Variants in EIF2AK2 observed in about 807,000 individuals in gnomAD.
EIF2AK2 encodes interferon-induced, double-stranded RNA-activated protein kinase.
A neutral mutation model predicts 70.5 loss-of-function variants in EIF2AK2; 40 were observed. The ratio of observed to expected loss-of-function variants is 0.57; its 90% CI spans 0.44 to 0.74. The LOEUF is 0.74. Among genes scored for constraint, EIF2AK2 ranks in the 30% least tolerant of loss-of-function variants. The pLI is 0.00. For missense variants in EIF2AK2, 555 were observed against 644.3 expected, an observed-to-expected ratio of 0.86 and a Z score of 1.50; for synonymous variants, 198 against 220.9, an observed-to-expected ratio of 0.90 and a Z score of 0.92.
At chr2:37,121,509 A>C (rs894106352) in intron 12 of EIF2AK2, among the ~76,000 whole-genome samples, 1 of 151,986 alleles carries the variant, frequency 6.6e-6, no homozygotes, top group Non-Finnish European at 1.5e-5. Flanking sequence ...CGTCACGGGG[A>C]TAATAGTCTA....
At chr2:37,119,847 C>G in intron 13 of EIF2AK2, 112 bp downstream of exon 13, 2 of 564,424 alleles carry the variant, frequency 3.5e-6, no homozygotes, top group South Asian at 8.9e-5. Flanking sequence ...CTGCCTCAGC[C>G]TCCCAAAGTG....
chr2:37,153,337 C>CTCTTTTTTTTTTTT lies in EIF2AK2; in HGVS notation c.-184+3570_-184+3571insAAAAAAAAAAAAGA, dbSNP rs777537067. Among the ~76,000 whole-genome samples the CTCTTTTTTTTTTTT allele has an allele frequency of 9.1e-5, 10 of 109,888 alleles. 1 individual carries two copies. The highest frequency in any genetic ancestry group is 1.6e-4 in the Non-Finnish European group (9 of 54,634). 72.1% of individuals were successfully genotyped at this position (109,888 alleles called of 152,430 possible). On this transcript the variant is annotated intron_variant, in intron 1 of 16. Transcript: ENST00000233057. ...CCCAGTCCTTTCAGTCTCTGCTAAT[C>CTCTTTTTTTTTTTT]TTTTTTTTTTTTTTTTTTTTTGAGA... is the stretch of plus-strand genomic sequence containing the variant.
rs149851991 is a variant in EIF2AK2 at position 37,143,660 on chromosome 2, G to A, written c.241-1959C>T. Among the ~76,000 whole-genome samples, 547 of 152,244 alleles carry A rather than the reference G, an allele frequency of 3.6e-3. 7 individuals are homozygous for A. Among genetic ancestry groups the A allele is most frequent in the African/African-American group, 0.012 (515 of 41,536 alleles). Reference sequence around the variant, plus strand: ...GCACTTTGGGAGGCTGAGGTGGGCAGATTGCTTGAGTCCAGGAGTTCAAGA... The same window carrying A: ...GCACTTTGGGAGGCTGAGGTGGGCAAATTGCTTGAGTCCAGGAGTTCAAGA... On this transcript the variant is annotated intron_variant, in intron 4 of 16. Transcript: ENST00000233057.
intron 9 of EIF2AK2, among the ~76,000 whole-genome samples, chr2:37,135,891 CAA>C (rs1675110217): frequency 6.6e-6 from 1 of 152,248 alleles, no homozygotes; most frequent in Non-Finnish European, 1.5e-5. Context: ...CTTGGCCTCC[CAA>C]AGTGCTGGGG....
At chr2:37,152,345 G>C (rs1675772828) in intron 1 of EIF2AK2, among the ~76,000 whole-genome samples, 1 of 152,064 alleles carries the variant, frequency 6.6e-6, no homozygotes, top group South Asian at 2.1e-4. Context: ...GCAGTAACAT[G>C]ATCTCAGCTC....
At position 37,105,658 on chromosome 2, in the gene EIF2AK2, C is replaced by G. The variant is rs2148660358; in HGVS notation, c.*1615G>C. On this transcript the variant is annotated 3_prime_UTR_variant, in exon 17 of 17. Coordinates refer to ENST00000233057, the MANE Select transcript of EIF2AK2 (RefSeq NM_001135651.3). ...TAAGAAACAAACTAAAACAATTGCCCTAAGTTGAAATTCACCCTCAGGGTC... is the reference window on the plus strand; with the variant it reads ...TAAGAAACAAACTAAAACAATTGCCGTAAGTTGAAATTCACCCTCAGGGTC... The G allele has an allele frequency of 6.6e-6, 1 of 152,300 alleles. No homozygotes were observed. The highest frequency in any genetic ancestry group is 1.9e-4 in the East Asian group (1 of 5,180). 9.4% of individuals were successfully genotyped at this position (152,300 alleles called of 1,614,324 possible). A position where few individuals can be genotyped will look rare whatever the true frequency, so the allele number is the denominator to read the frequency against.
chr2:37,121,301 A>G (rs1374879267), intron 12 of EIF2AK2, among the ~76,000 whole-genome samples: 1 of 151,720 alleles, frequency 6.6e-6, no homozygotes, highest in African/African-American at 2.4e-5. Context: ...AGAAAAAAAA[A>G]ATGAGCCACC....
At chr2:37,122,729 C>A (rs1031412717) in intron 11 of EIF2AK2, 65 bp from the exon 12 acceptor site, 2 of 1,588,520 alleles carry the variant, frequency 1.3e-6, no homozygotes, top group African/African-American at 2.7e-5. Context: ...CCACAAAACA[C>A]CTCATGTAAT....
chr2:37,115,130 C>T (rs1674292251), intron 13 of EIF2AK2: 1 of 171,174 alleles, frequency 5.8e-6, no homozygotes, highest in African/African-American at 2.4e-5. Flanking sequence ...TCACTGCAAG[C>T]TCCGCCTCCT....
chr2:37,149,357 T>A (rs1479766923), intron 1 of EIF2AK2: 18 of 657,720 alleles, frequency 2.7e-5, no homozygotes, highest in Non-Finnish European at 4.2e-5. Context: ...TAAAATTCGG[T>A]TACTCTAAGA....
chr2:37,150,319 G>A lies in EIF2AK2; in HGVS notation c.-183-1296C>T, dbSNP rs1222837510. Among the ~76,000 whole-genome samples the A allele has an allele frequency of 2.0e-5, 3 of 151,584 alleles. No individual in the cohort carries two copies. In the East Asian group the frequency reaches 5.8e-4, roughly 29 times the overall value. On this transcript the variant is annotated intron_variant, in intron 1 of 16. Transcript: ENST00000233057. ...ACTCAGTATCATAAGTCACTTGGCA[G>A]AAAAAAAAGGCAATCCCTATTCAAA...
At chr2:37,120,963 CAAAA>C (rs70949732) in intron 12 of EIF2AK2, among the ~76,000 whole-genome samples, 4 of 118,752 alleles carry the variant, frequency 3.4e-5, no homozygotes, top group African/African-American at 1.3e-4. Flanking sequence ...GACTCTGTCT[CAAAA>C]AAAAAAAAAG....
At chr2:37,123,702 A>G (rs747786455) in intron 11 of EIF2AK2, among the ~76,000 whole-genome samples, 3 of 152,170 alleles carry the variant, frequency 2.0e-5, no homozygotes, top group Non-Finnish European at 4.4e-5. Context: ...CTAATTCAGG[A>G]TTTTCAATGT....
In EIF2AK2 at chr2:37,119,198, C is replaced by T. The variant is rs138501052; in HGVS notation, c.1248+761G>A. On this transcript the variant is annotated intron_variant, in intron 13 of 16. Transcript: ENST00000233057. ...AAAATAGGGAAACTCCTTGTCCGGA[C>T]CATAAAAGCCAGAGGAAAATGAAAA... Among the ~76,000 whole-genome samples, 3 of 152,144 alleles carry T rather than the reference C, an allele frequency of 2.0e-5. No individual in the cohort carries two copies. The East Asian group carries it at 5.8e-4, about 29-fold the overall frequency.
At chr2:37,147,914 G>T in intron 2 of EIF2AK2, 92 bp from the exon 3 acceptor site, 1 of 775,510 alleles carries the variant, frequency 1.3e-6, no homozygotes, top group East Asian at 2.5e-5. Flanking sequence ...AGGGGTTGGG[G>T]AGACTCCCCT....
intron 4 of EIF2AK2, among the ~76,000 whole-genome samples, chr2:37,146,442 T>C (rs186432092): frequency 6.6e-6 from 1 of 152,356 alleles, no homozygotes; most frequent in Non-Finnish European, 1.5e-5. Flanking sequence ...CTGGTACCAA[T>C]TCCCCACAGA....
At chr2:37,129,961 C>T (rs1344106463) in intron 10 of EIF2AK2, among the ~76,000 whole-genome samples, 1 of 152,160 alleles carries the variant, frequency 6.6e-6, no homozygotes, top group South Asian at 2.1e-4. Context: ...ACACTGACTC[C>T]CCCATGTTAG....
At position 37,150,141 on chromosome 2, in the gene EIF2AK2, TAA is replaced by T. The variant is rs34438804; in HGVS notation, c.-183-1120_-183-1119del. ...AAATATGTCCCAGAGGAAGTGACGG[TAA>T]AAAAAAAAAAAAAACAAACTTCACA... On this transcript the variant is annotated intron_variant, in intron 1 of 16. Coordinates refer to ENST00000233057, the MANE Select transcript of EIF2AK2 (RefSeq NM_001135651.3). Among the ~76,000 whole-genome samples, 220 of 136,028 alleles carry T rather than the reference TAA, an allele frequency of 1.6e-3. 2 individuals are homozygous for T. The highest frequency in any genetic ancestry group is 0.014 in the East Asian group (66 of 4,794). 89.2% of individuals were successfully genotyped at this position (136,028 alleles called of 152,430 possible).
chr2:37,137,894 C>T (rs778825462), intron 8 of EIF2AK2, among the ~76,000 whole-genome samples: 6 of 151,964 alleles, frequency 3.9e-5, no homozygotes, highest in Admixed American at 2.6e-4. Flanking sequence ...GGGCAGAACA[C>T]GAGGTCAGGA....
Sources: gnomAD v4.1 joint callset for allele counts (sites outside exome capture counted in the v4.1 genomes callset) on GRCh38, gnomAD v4.1.1 for gene constraint, MANE v1.5 for transcripts, NCBI Gene and HGNC (gene_info 2026-07-23, HGNC 2026-07-21) for gene names.